The following PHLDB2 variants were observed in gnomAD, a reference collection of about 807,000 sequenced individuals.
The protein encoded by PHLDB2 is pleckstrin homology-like domain family B member 2.
Under a neutral mutation model 123.6 loss-of-function variants are expected in PHLDB2, and 71 were observed. The ratio of observed to expected loss-of-function variants is 0.57; its 90% CI spans 0.47 to 0.70. The LOEUF (loss-of-function observed/expected upper bound fraction) is 0.70, where lower values mean the gene tolerates loss of function less well. PHLDB2 is among the 30% of genes least tolerant of loss of function. The pLI is 0.00. For missense variants in PHLDB2, 1,446 were observed against 1,519.5 expected (o/e 0.95, Z 0.80); for synonymous variants, 547 against 541.6 (o/e 1.01, Z -0.14).
At chr3:111,950,765 C>T (rs1029578141) in intron 10 of PHLDB2, among the ~76,000 whole-genome samples, 6 of 152,088 alleles carry the variant, frequency 3.9e-5, no homozygotes, top group Non-Finnish European at 5.9e-5. Flanking sequence ...CCATCAATTA[C>T]CATTTGTTAA....
chr3:111,780,412 A>AAGAGG (rs1326616017), intron 1 of PHLDB2, among the ~76,000 whole-genome samples: 1 of 116,680 alleles, frequency 8.6e-6, no homozygotes, highest in Non-Finnish European at 1.8e-5. Context: ...AGAAGAAGAA[A>AAGAGG]AAGATTAGTT....
intron 1 of PHLDB2, among the ~76,000 whole-genome samples, chr3:111,831,037 GGAAGGAAGAAAGAGA>G (rs2063004555): frequency 1.8e-5 from 1 of 56,838 alleles, no homozygotes; most frequent in African/African-American, 7.9e-5. Context: ...AAGAAAGGAA[GGAAGGAAGAAAGAGA>G]AAAGAGAGAG....
At chr3:111,786,986 A>G (rs2060704256) in intron 1 of PHLDB2, among the ~76,000 whole-genome samples, 1 of 152,200 alleles carries the variant, frequency 6.6e-6, no homozygotes, top group African/African-American at 2.4e-5. Context: ...CATCAAAAAA[A>G]AAGTTTAAGA....
chr3:111,830,145 G>T (rs1286728388), intron 1 of PHLDB2, among the ~76,000 whole-genome samples: 1 of 152,122 alleles, frequency 6.6e-6, no homozygotes, highest in Non-Finnish European at 1.5e-5. Flanking sequence ...CACTTTCTCT[G>T]CATTGTTCCT....
chr3:111,865,740 C>A (rs1293401622), intron 1 of PHLDB2, among the ~76,000 whole-genome samples: 3 of 151,636 alleles, frequency 2.0e-5, no homozygotes, highest in Non-Finnish European at 4.4e-5. Context: ...CCTAACGTAA[C>A]CATTTCCTTT....
chr3:111,940,683 A>G (rs958722403), intron 8 of PHLDB2, 38 bp downstream of exon 8: 1 of 1,270,298 alleles, frequency 7.9e-7, no homozygotes, highest in Non-Finnish European at 1.1e-6. Flanking sequence ...ACAGTAAAAC[A>G]TAGGTTCCAA....
intron 12 of PHLDB2, among the ~76,000 whole-genome samples, chr3:111,956,333 G>A (rs1346405497): frequency 1.3e-5 from 2 of 152,170 alleles, no homozygotes; most frequent in South Asian, 2.1e-4. Context: ...TGGTGAAACC[G>A]AGGGAAGGTT....
chr3:111,968,515 T>C (rs2071954245), intron 15 of PHLDB2, among the ~76,000 whole-genome samples: 1 of 152,250 alleles, frequency 6.6e-6, no homozygotes, highest in Non-Finnish European at 1.5e-5. Context: ...TCTGAGCAAC[T>C]AACATAAAGT....
chr3:111,909,715 T>C (rs1423310060), intron 2 of PHLDB2, among the ~76,000 whole-genome samples: 2 of 151,980 alleles, frequency 1.3e-5, no homozygotes, highest in Non-Finnish European at 2.9e-5. Flanking sequence ...TATGGAGACA[T>C]TGAAGTCCTG....
chr3:111,819,480 G>C (rs2108390459), intron 1 of PHLDB2, among the ~76,000 whole-genome samples: 1 of 152,324 alleles, frequency 6.6e-6, no homozygotes, highest in Admixed American at 6.5e-5. Context: ...GGCAAAGCCA[G>C]AGATATCTGA....
chr3:111,897,029 C>A (rs2066911331), intron 2 of PHLDB2, among the ~76,000 whole-genome samples: 1 of 152,174 alleles, frequency 6.6e-6, no homozygotes, highest in African/African-American at 2.4e-5. Flanking sequence ...GACATTGATA[C>A]AGTGAAGATA....
intron 1 of PHLDB2, among the ~76,000 whole-genome samples, chr3:111,774,095 T>C (rs1197397692): frequency 1.3e-5 from 2 of 152,220 alleles, no homozygotes; most frequent in African/African-American, 4.8e-5. Flanking sequence ...CTTTAGAATA[T>C]TGCTGCTTCA....
chr3:111,944,709 CT>C (rs2070174994), intron 8 of PHLDB2, among the ~76,000 whole-genome samples: 1 of 151,942 alleles, frequency 6.6e-6, no homozygotes, highest in Non-Finnish European at 1.5e-5. Flanking sequence ...TAGACAGAAT[CT>C]TGCTCTGTCT....
chr3:111,827,094 C>G (rs376179867), intron 1 of PHLDB2, among the ~76,000 whole-genome samples: 27 of 152,290 alleles, frequency 1.8e-4, no homozygotes, highest in African/African-American at 6.3e-4. Context: ...TAAGTCACTT[C>G]CTTATAATTT....
chr3:111,884,731 G>T lies in PHLDB2; in HGVS notation c.654G>T (p.Ala218=). The T allele has an allele frequency of 2.5e-6, 4 of 1,614,060 alleles. No homozygotes were observed. The highest frequency in any genetic ancestry group is 3.4e-6 in the Non-Finnish European group (4 of 1,180,020). Residue 218 remains alanine, a synonymous_variant, in exon 2 of 18, where the codon GCG becomes GCT. Transcript: ENST00000431670. ...AAATGAGCATTCAGGACAGCCTGGC[G>T]CTTCAACCCAAGTTAACTAGACACA... ...ARKMSIQDSL[A]LQPKLTRHKE...
chr3:111,761,227 C>G (rs13317162), intron 1 of PHLDB2, among the ~76,000 whole-genome samples: 1 of 150,618 alleles, frequency 6.6e-6, no homozygotes, highest in African/African-American at 2.4e-5. Flanking sequence ...CATTTGAATA[C>G]TAATCCCAGC....
intron 1 of PHLDB2, among the ~76,000 whole-genome samples, chr3:111,802,716 G>A (rs1369118776): frequency 1.3e-5 from 2 of 152,200 alleles, no homozygotes; most frequent in Non-Finnish European, 2.9e-5. Context: ...CGTTACAGCA[G>A]AGTGAGGCAA....
rs118023983 is a variant in PHLDB2 at position 111,734,258 on chromosome 3, C to T, written c.-49+1555C>T. Among the ~76,000 whole-genome samples the T allele has an allele frequency of 1.4e-4, 22 of 152,152 alleles. No individual in the cohort carries two copies. In the East Asian group the frequency reaches 3.9e-3, roughly 27 times the overall value. ...ATGCAAGTGATGGAGGTGGTTTTGA[C>T]GAGGGAAAAGGATCTTGGGGTGATC... is the stretch of plus-strand genomic sequence containing the variant. On this transcript the variant is annotated intron_variant, in intron 1 of 17. Coordinates refer to the PHLDB2 transcript ENST00000393923.
chr3:111,736,758 T>C (rs2059515177), intron 1 of PHLDB2, among the ~76,000 whole-genome samples: 1 of 152,218 alleles, frequency 6.6e-6, no homozygotes, highest in African/African-American at 2.4e-5. Flanking sequence ...GCTGTTATTC[T>C]AATTAGATTT....
Sources: gnomAD v4.1 joint callset for allele counts (sites outside exome capture counted in the v4.1 genomes callset) on GRCh38, gnomAD v4.1.1 for gene constraint, MANE v1.5 for transcripts, NCBI Gene and HGNC (gene_info 2026-07-23, HGNC 2026-07-21) for gene names.